Variants in CLCN1 observed in about 807,000 individuals in gnomAD.
The protein encoded by CLCN1 is chloride channel protein 1.
Under a neutral mutation model 114.5 loss-of-function variants are expected in CLCN1, and 100 were observed. The ratio of observed to expected loss-of-function variants is 0.87; its 90% CI spans 0.74 to 1.03. The LOEUF is 1.03. CLCN1 is among the 50% of genes least tolerant of loss of function. The pLI, the probability that CLCN1 is intolerant of heterozygous loss-of-function variation, is 0.00. For missense variants in CLCN1, 1,188 were observed against 1,250.0 expected (o/e 0.95, Z 0.75); for synonymous variants, 485 against 487.1 (o/e 1.00, Z 0.06).
chr7:143,347,680 G>A (rs897509057), intron 20 of CLCN1, among the ~76,000 whole-genome samples: 1 of 150,804 alleles, frequency 6.6e-6, no homozygotes, highest in African/African-American at 2.4e-5. Context: ...GGAGATTACT[G>A]TGCTGGATTG....
In CLCN1 at chr7:143,352,005, C is replaced by T. The variant is rs1803428290; in HGVS notation, c.*40C>T. On this transcript the variant is annotated 3_prime_UTR_variant, in exon 23 of 23. Transcript: ENST00000343257. ...CTCCTCATAAAGACCGTGGAGAGGC[C>T]CAGCCTGAGGGTGAACTTGTGTGGG... 6.2e-7 allele frequency: 1 copy of T among 1,611,910 alleles called. No individual in the cohort carries two copies. The highest frequency in any genetic ancestry group is 8.5e-7 in the Non-Finnish European group (1 of 1,179,886).
intron 17 of CLCN1, 68 bp from the exon 18 acceptor site, chr7:143,346,072 C>A: frequency 9.5e-7 from 1 of 1,053,860 alleles, no homozygotes; most frequent in Non-Finnish European, 1.5e-6. Context: ...CATCCACCAA[C>A]TGGTAAAGGC....
At chr7:143,329,459 A>C (rs1802664588) in intron 7 of CLCN1, among the ~76,000 whole-genome samples, 1 of 152,126 alleles carries the variant, frequency 6.6e-6, no homozygotes, top group Non-Finnish European at 1.5e-5. Flanking sequence ...TCCTCTGCCA[A>C]ACTGTAGCAG....
At position 143,316,237 on chromosome 7, in the gene CLCN1, C is replaced by A. The variant is rs745344072; in HGVS notation, c.25C>A (p.Arg9Ser). The A allele has an allele frequency of 5.0e-6, 8 of 1,613,524 alleles. No individual in the cohort carries two copies. The highest frequency in any genetic ancestry group is 6.8e-6 in the Non-Finnish European group (8 of 1,179,694). The change falls in exon 1 of 23, where the codon CGT becomes AGT. Residue 9 changes from arginine (R) to serine (S), a missense_variant. Arg to Ser is a moderately radical substitution (Grantham distance 110). Transcript: ENST00000343257. ...TATGGAGCAATCCCGGTCACAGCAG[C>A]GTGGGGGTGAACAAAGCTGGTGGGG... MEQSRSQQ[R>S]GGEQSWWGSD...
chr7:143,342,070 CCTCT>C lies in CLCN1; in HGVS notation c.1729_1732del (p.Leu577MetfsTer36). ...AACATGGTGGCCCAGAGCCTGCAGCCCTCTCTCTATGACAGCATCATCCAGGTCA... is the reference window on the plus strand; with the variant it reads ...AACATGGTGGCCCAGAGCCTGCAGCCCTCTATGACAGCATCATCCAGGTCA... On this transcript the variant is annotated frameshift_variant, in exon 15 of 23. Coordinates refer to ENST00000343257, the MANE Select transcript of CLCN1 (RefSeq NM_000083.3). LOFTEE classifies it high-confidence loss of function. 1.2e-6 allele frequency: 2 copies of C among 1,614,128 alleles called. No individual in the cohort carries two copies. Among genetic ancestry groups the C allele is most frequent in the Non-Finnish European group, 1.7e-6 (2 of 1,180,028 alleles).
intron 10 of CLCN1, 40 bp downstream of exon 10, chr7:143,331,692 C>T (rs760007673): frequency 1.4e-6 from 2 of 1,411,004 alleles, no homozygotes; most frequent in South Asian, 2.3e-5. Context: ...CATTTACTTT[C>T]TGGTTTCTCC....
At chr7:143,349,235 TG>T (rs1466492366) in intron 20 of CLCN1, among the ~76,000 whole-genome samples, 1 of 152,200 alleles carries the variant, frequency 6.6e-6, no homozygotes, top group East Asian at 1.9e-4. Context: ...ACCTGCTAAG[TG>T]GTCATCCATC....
Position 143,321,917 on chromosome 7 carries a change from A to C in CLCN1, c.696+69A>C. On this transcript the variant is annotated intron_variant, in intron 5 of 22. Coordinates refer to ENST00000343257, the MANE Select transcript of CLCN1 (RefSeq NM_000083.3). The surrounding 1 kb of genome is among the most constrained non-coding windows in gnomAD (Gnocchi z 4.2). ...GGAGCCAGGGTGGCACCAACTCTAGAGGGAGCTCTGGGAGTGGAAGTGGAT... is the reference window on the plus strand; with the variant it reads ...GGAGCCAGGGTGGCACCAACTCTAGCGGGAGCTCTGGGAGTGGAAGTGGAT... 1 of 1,563,358 alleles carries C rather than the reference A, an allele frequency of 6.4e-7. No homozygotes were observed. Among genetic ancestry groups the C allele is most frequent in the South Asian group, 1.1e-5 (1 of 87,448 alleles).
At position 143,335,251 on chromosome 7, in the gene CLCN1, A is replaced by G. The variant is rs75966591; in HGVS notation, c.1401+2378A>G. Among the ~76,000 whole-genome samples the G allele has an allele frequency of 9.5e-3, 1,421 of 149,280 alleles. 21 individuals carry two copies. The highest frequency in any genetic ancestry group is 0.035 in the African/African-American group (1,375 of 39,384). ...TTATTTTGAGAAACCTACTTAGATG[A>G]TATAGAGGACTCACCTGTATGCCAC... is the stretch of plus-strand genomic sequence containing the variant. On this transcript the variant is annotated intron_variant, in intron 12 of 22. Transcript: ENST00000343257.
intron 8 of CLCN1, 64 bp from the exon 9 acceptor site, chr7:143,331,168 C>A: frequency 1.6e-6 from 2 of 1,246,650 alleles, no homozygotes; most frequent in Non-Finnish European, 2.4e-6. Context: ...AAACTGCCCA[C>A]CTCTGTTTCC....
At chr7:143,333,691 A>C (rs1044173009) in intron 12 of CLCN1, among the ~76,000 whole-genome samples, 6 of 152,216 alleles carry the variant, frequency 3.9e-5, no homozygotes, top group African/African-American at 7.2e-5. Flanking sequence ...GTGACTACAC[A>C]TAATTTTTAT....
At chr7:143,318,591 C>T (rs1381120525) in intron 1 of CLCN1, among the ~76,000 whole-genome samples, 1 of 152,190 alleles carries the variant, frequency 6.6e-6, no homozygotes, top group African/African-American at 2.4e-5. Context: ...TTTGACTTCT[C>T]CCTTGCCCTC....
chr7:143,340,549 CT>C (rs1443529398), intron 14 of CLCN1, among the ~76,000 whole-genome samples: 1 of 151,838 alleles, frequency 6.6e-6, no homozygotes, highest in Non-Finnish European at 1.5e-5. Flanking sequence ...CTCTTCTCTT[CT>C]TTTATTTCCA....
rs201218706 is a variant in CLCN1 at position 143,345,580 on chromosome 7, C to T, written c.1990C>T (p.His664Tyr). Reference sequence around the variant, plus strand: ...GGAACTGCAGGCCCTCCTGCAGCGCCACCTGTGTCCTGAGCGCAGGCTGCG... The same window carrying T: ...GGAACTGCAGGCCCTCCTGCAGCGCTACCTGTGTCCTGAGCGCAGGCTGCG... ...RSELQALLQR[H>Y]LCPERRLRAA... Residue 664 changes from histidine (H) to tyrosine (Y), a missense_variant, in exon 17 of 23, where the codon CAC (histidine) becomes TAC (tyrosine). Coordinates refer to ENST00000343257, the MANE Select transcript of CLCN1 (RefSeq NM_000083.3). The T allele has an allele frequency of 5.4e-4, 838 of 1,548,236 alleles. 7 individuals carry two copies. Among genetic ancestry groups the T allele is most frequent in the South Asian group, 5.1e-4 (43 of 83,980 alleles).
In CLCN1 at chr7:143,325,315, T is replaced by C. The variant is rs148145045; in HGVS notation, c.853+823T>C. Among the ~76,000 whole-genome samples, 6 of 152,344 alleles carry C rather than the reference T, an allele frequency of 3.9e-5. No individual in the cohort carries two copies. In the East Asian group the frequency reaches 1.2e-3, roughly 29 times the overall value. ...AATGACCCACTGTTAGAGGTTTCTT[T>C]TCAGTTATGGAAATGTTAAGCAATC... On this transcript the variant is annotated intron_variant, in intron 7 of 22. Transcript: ENST00000343257.
intron 1 of CLCN1, among the ~76,000 whole-genome samples, chr7:143,316,597 G>A (rs1264649829): frequency 6.6e-6 from 1 of 152,234 alleles, no homozygotes; most frequent in Non-Finnish European, 1.5e-5. Flanking sequence ...AGATATGCAT[G>A]CACTTTCATA....
Position 143,339,599 on chromosome 7 carries a change from A to C in CLCN1, c.1560A>C (p.Leu520=). The C allele has an allele frequency of 6.2e-7, 1 of 1,610,668 alleles. No individual in the cohort carries two copies. The highest frequency in any genetic ancestry group is 1.1e-5 in the South Asian group (1 of 91,012). ...TTGATGACATCATCTACAAGATCCTACCTGGGGGCTATGCAGTAATTGGTG... is the reference window on the plus strand; with the variant it reads ...TTGATGACATCATCTACAAGATCCTCCCTGGGGGCTATGCAGTAATTGGTG... The part of the protein sequence containing the change: ...ILFDDIIYKI[L]PGGYAVIGAA... The change falls in exon 14 of 23, where the codon CTA becomes CTC. Residue 520 remains leucine (L), a synonymous_variant. Transcript: ENST00000343257. This position sits in a 1 kb window ranked among gnomAD's most constrained non-coding sequence, Gnocchi z 4.1.
rs1160895378 is a variant in CLCN1 at position 143,352,004 on chromosome 7, C to T, written c.*39C>T. ...CCTCCTCATAAAGACCGTGGAGAGGCCCAGCCTGAGGGTGAACTTGTGTGG... is the reference window on the plus strand; with the variant it reads ...CCTCCTCATAAAGACCGTGGAGAGGTCCAGCCTGAGGGTGAACTTGTGTGG... On this transcript the variant is annotated 3_prime_UTR_variant, in exon 23 of 23. Coordinates refer to ENST00000343257, the MANE Select transcript of CLCN1 (RefSeq NM_000083.3). The T allele has an allele frequency of 6.2e-7, 1 of 1,611,866 alleles. No individual in the cohort carries two copies. Among genetic ancestry groups the T allele is most frequent in the Non-Finnish European group, 8.5e-7 (1 of 1,179,838 alleles).
chr7:143,346,978 G>T (rs752404683), intron 20 of CLCN1, 29 bp downstream of exon 20: 1 of 1,589,524 alleles, frequency 6.3e-7, no homozygotes, highest in Non-Finnish European at 8.6e-7. Flanking sequence ...AACCTGGGGT[G>T]GATTGTTCTA....
Sources: allele counts gnomAD v4.1 joint callset (sites outside exome capture counted in the v4.1 genomes callset), GRCh38; gene constraint gnomAD v4.1.1; non-coding constraint Gnocchi (gnomAD v3.1); transcripts MANE v1.5; gene names NCBI Gene and HGNC (gene_info 2026-07-23, HGNC 2026-07-21).